Variants in NAPB observed in about 807,000 individuals in gnomAD.
NAPB encodes beta-soluble NSF attachment protein.
In NAPB, 26 loss-of-function variants were observed where a neutral mutation model predicts 44.7. The ratio of observed to expected loss-of-function variants is 0.58; its 90% CI spans 0.43 to 0.81. The LOEUF is 0.81. Among genes scored for constraint, NAPB ranks in the 30% least tolerant of loss-of-function variants. The pLI is 0.00. For missense variants in NAPB, 315 were observed against 356.4 expected (o/e 0.88, Z 0.94); for synonymous variants, 120 against 116.8 (o/e 1.03, Z -0.18).
intron 1 of NAPB, among the ~76,000 whole-genome samples, chr20:23,415,591 T>C (rs552068779): frequency 6.7e-6 from 1 of 150,012 alleles, no homozygotes; most frequent in African/African-American, 2.5e-5. Context: ...AAGACTCCAT[T>C]TCAAAAAAAA....
rs761822346 is a variant in NAPB at position 23,402,994 on chromosome 20, A to T, written c.177T>A (p.Ser59Arg). ...AGCAAACAAAAACTTTGTACATACC[A>T]CTCCAATTTTTAGCCATCTTGAACA... ...ANMFKMAKNW[S>R]AAGNAFCQAA... The change falls in exon 2 of 11, where the codon AGT (serine) becomes AGA (arginine). Residue 59 changes from serine to arginine, a missense_variant and splice_region_variant. Ser to Arg is a moderately radical substitution (Grantham distance 110). Transcript: ENST00000377026. The T allele has an allele frequency of 6.2e-7, 1 of 1,612,322 alleles. No individual in the cohort carries two copies. Among genetic ancestry groups the T allele is most frequent in the East Asian group, 2.2e-5 (1 of 44,822 alleles).
At chr20:23,380,199 C>T (rs1982881961) in intron 8 of NAPB, among the ~76,000 whole-genome samples, 1 of 152,258 alleles carries the variant, frequency 6.6e-6, no homozygotes, top group East Asian at 1.9e-4. Flanking sequence ...TAAACACTCA[C>T]AGACCAGGTA....
intron 7 of NAPB, among the ~76,000 whole-genome samples, chr20:23,386,563 G>A (rs1201749507): frequency 6.6e-6 from 1 of 152,108 alleles, no homozygotes; most frequent in East Asian, 1.9e-4. Context: ...ACCAATTCTG[G>A]CACTTACAAA....
chr20:23,377,581 T>C, intron 10 of NAPB, 95 bp from the exon 11 acceptor site: 2 of 540,084 alleles, frequency 3.7e-6, no homozygotes, highest in Non-Finnish European at 6.1e-6. Flanking sequence ...TTTACAGCCA[T>C]AATCTACTAA....
intron 1 of NAPB, among the ~76,000 whole-genome samples, chr20:23,413,258 C>T (rs1985782307): frequency 6.6e-6 from 1 of 151,230 alleles, no homozygotes; most frequent in Admixed American, 6.6e-5. Context: ...TAATAATATA[C>T]AAAGAAAGGC....
chr20:23,392,532 G>T (rs1354509654), intron 5 of NAPB, among the ~76,000 whole-genome samples: 1 of 152,088 alleles, frequency 6.6e-6, no homozygotes, highest in East Asian at 1.9e-4. Context: ...CGGGCATGGT[G>T]GCACATGCCT....
intron 5 of NAPB, among the ~76,000 whole-genome samples, chr20:23,391,560 G>A (rs992925226): frequency 1.3e-5 from 2 of 152,090 alleles, no homozygotes; most frequent in Non-Finnish European, 2.9e-5. Context: ...TTAAACCAGG[G>A]CTCTAGCCAA....
At chr20:23,412,400 G>C (rs575875759) in intron 1 of NAPB, among the ~76,000 whole-genome samples, 1 of 152,212 alleles carries the variant, frequency 6.6e-6, no homozygotes, top group Non-Finnish European at 1.5e-5. Context: ...TTGCTACCCT[G>C]CAATGAAACA....
chr20:23,409,941 C>A (rs1479881557), intron 1 of NAPB, among the ~76,000 whole-genome samples: 1 of 152,194 alleles, frequency 6.6e-6, no homozygotes, highest in Non-Finnish European at 1.5e-5. Context: ...CAGGGAAGAA[C>A]TCTCAGCAAG....
intron 1 of NAPB, among the ~76,000 whole-genome samples, chr20:23,411,105 C>T (rs1412278985): frequency 1.3e-5 from 2 of 152,076 alleles, no homozygotes; most frequent in Non-Finnish European, 2.9e-5. Context: ...GAGCCAATAT[C>T]CATGTAATGA....
intron 1 of NAPB, among the ~76,000 whole-genome samples, chr20:23,409,607 A>G (rs1350205783): frequency 6.6e-6 from 1 of 152,226 alleles, no homozygotes; most frequent in East Asian, 1.9e-4. Flanking sequence ...TTTTAAATTG[A>G]ATTTCAGTCT....
intron 1 of NAPB, among the ~76,000 whole-genome samples, chr20:23,403,468 T>C (rs1985002941): frequency 6.6e-6 from 1 of 152,106 alleles, no homozygotes; most frequent in African/African-American, 2.4e-5. Flanking sequence ...CTGGGTGTGG[T>C]GGCATGTGCC....
At chr20:23,417,440 C>T (rs1404055047) in intron 1 of NAPB, among the ~76,000 whole-genome samples, 2 of 152,110 alleles carry the variant, frequency 1.3e-5, no homozygotes, top group Non-Finnish European at 2.9e-5. Context: ...TATTCCCAAC[C>T]GGGTCTCATA....
chr20:23,408,938 T>A (rs1461227476), intron 1 of NAPB, among the ~76,000 whole-genome samples: 2 of 152,240 alleles, frequency 1.3e-5, no homozygotes, highest in Non-Finnish European at 2.9e-5. Context: ...AGGGAGATAC[T>A]CTCCAGAATG....
chr20:23,397,133 T>A lies in NAPB; in HGVS notation c.234A>T (p.Lys78Asn), dbSNP rs1361231949. The A allele has an allele frequency of 3.7e-6, 6 of 1,613,794 alleles. No homozygotes were observed. Among genetic ancestry groups the A allele is most frequent in the Middle Eastern group, 3.3e-4 (2 of 6,048 alleles). ...AAKLHMQLQSKHDSATSFVDA... is the reference protein window; with the variant it reads ...AAKLHMQLQSNHDSATSFVDA... Reference sequence around the variant, plus strand: ...CCACAAAGCTGGTAGCAGAGTCATGTTTGCTCTGAAGCTGCATGTGGAGCT... The same window carrying A: ...CCACAAAGCTGGTAGCAGAGTCATGATTGCTCTGAAGCTGCATGTGGAGCT... The change falls in exon 3 of 11, where the codon AAA (lysine) becomes AAT (asparagine). Residue 78 changes from lysine to asparagine, a missense_variant. Coordinates refer to ENST00000377026, the MANE Select transcript of NAPB (RefSeq NM_022080.3).
intron 2 of NAPB, among the ~76,000 whole-genome samples, chr20:23,397,889 A>T (rs923200909): frequency 6.6e-6 from 1 of 152,358 alleles, no homozygotes; most frequent in Admixed American, 6.5e-5. Context: ...AGTACAACAT[A>T]TAAGGTACAT....
chr20:23,413,388 G>GA (rs934828853), intron 1 of NAPB, among the ~76,000 whole-genome samples: 8 of 151,622 alleles, frequency 5.3e-5, no homozygotes, highest in African/African-American at 1.2e-4. Flanking sequence ...GCAGTTTTAA[G>GA]AAAAAAATGT....
chr20:23,408,909 AT>A (rs1985447194), intron 1 of NAPB, among the ~76,000 whole-genome samples: 1 of 152,196 alleles, frequency 6.6e-6, no homozygotes, highest in Non-Finnish European at 1.5e-5. Flanking sequence ...ATTAAAAACT[AT>A]TTTTTTAAAA....
intron 2 of NAPB, among the ~76,000 whole-genome samples, chr20:23,398,790 G>C (rs1461745712): frequency 6.7e-6 from 1 of 149,386 alleles, no homozygotes; most frequent in Non-Finnish European, 1.5e-5. Flanking sequence ...GTTGCAGTGA[G>C]CCGAGACTGT....
Sources: gnomAD v4.1 joint callset for allele counts (sites outside exome capture counted in the v4.1 genomes callset) on GRCh38, gnomAD v4.1.1 for gene constraint, MANE v1.5 for transcripts, NCBI Gene and HGNC (gene_info 2026-07-23, HGNC 2026-07-21) for gene names.